Variants in TRAM2 observed in about 807,000 individuals in gnomAD.
The protein encoded by TRAM2 is translocating chain-associated membrane protein 2.
Under a neutral mutation model 51.0 loss-of-function variants are expected in TRAM2, and 12 were observed. The ratio of observed to expected loss-of-function variants is 0.24; its 90% CI spans 0.15 to 0.38. The LOEUF (loss-of-function observed/expected upper bound fraction) is 0.38. TRAM2 is among the 10% of genes least tolerant of loss of function. The pLI, the probability that TRAM2 is intolerant of heterozygous loss-of-function variation, is 1.00. For missense variants in TRAM2, 361 were observed against 462.0 expected (o/e 0.78, Z 2.00); for synonymous variants, 175 against 179.4 (o/e 0.98, Z 0.20).
Position 52,506,073 on chromosome 6 carries a change from C to T in TRAM2, c.690G>A (p.Thr230=), listed in dbSNP as rs779974855. 8.7e-6 allele frequency: 14 copies of T among 1,614,020 alleles called. No individual in the cohort carries two copies. Among genetic ancestry groups the T allele is most frequent in the Admixed American group, 5.0e-5 (3 of 60,004 alleles). ...CATCTGCAAAGTAGAAGAGTCTAGC[C>T]GTGTGGAAGAGGAACTCAGTTGAGT... is the stretch of plus-strand genomic sequence containing the variant. The part of the protein sequence containing the change: ...LQYSTEFLFH[T]ARLFYFADEN... Residue 230 remains threonine (T), a synonymous_variant, in exon 8 of 11, where the codon ACG becomes ACA. Coordinates refer to ENST00000182527, the MANE Select transcript of TRAM2 (RefSeq NM_012288.4).
intron 2 of TRAM2, among the ~76,000 whole-genome samples, chr6:52,519,091 C>T (rs1205397465): frequency 6.6e-6 from 1 of 152,212 alleles, no homozygotes; most frequent in Non-Finnish European, 1.5e-5. Context: ...ACTCGTGTTC[C>T]TCTGCTGTTG....
chr6:52,547,097 G>A (rs1358628146), intron 1 of TRAM2, among the ~76,000 whole-genome samples: 7 of 152,128 alleles, frequency 4.6e-5, no homozygotes, highest in Admixed American at 1.3e-4. Flanking sequence ...TGGACTGCTC[G>A]GTCTAGCAGC....
At position 52,500,557 on chromosome 6, in the gene TRAM2, A is replaced by G. The variant is rs1182681751; in HGVS notation, c.*2640T>C. On this transcript the variant is annotated 3_prime_UTR_variant, in exon 11 of 11. Transcript: ENST00000182527. ...TTTTTTTTTTTTTTACATAAAATAA[A>G]CCCTTAGCACACCCGTCCACTGGGA... 4 of 148,484 alleles carry G rather than the reference A, an allele frequency of 2.7e-5. No homozygotes were observed. Among genetic ancestry groups the G allele is most frequent in the African/African-American group, 5.0e-5 (2 of 40,124 alleles). 9.2% of individuals were successfully genotyped at this position (148,484 alleles called of 1,614,324 possible).
chr6:52,531,959 CTTGA>C (rs1180019724), intron 2 of TRAM2, among the ~76,000 whole-genome samples: 2 of 152,158 alleles, frequency 1.3e-5, no homozygotes, highest in Non-Finnish European at 2.9e-5. Context: ...ATTTGCCTAG[CTTGA>C]TTAATTAATT....
chr6:52,521,653 C>T (rs528277370), intron 2 of TRAM2, among the ~76,000 whole-genome samples: 18 of 151,398 alleles, frequency 1.2e-4, no homozygotes, highest in Admixed American at 5.3e-4. Flanking sequence ...GCCGAGATTG[C>T]GCCACTGCAC....
intron 1 of TRAM2, among the ~76,000 whole-genome samples, chr6:52,552,360 T>C (rs1389137053): frequency 1.3e-5 from 2 of 152,226 alleles, no homozygotes; most frequent in Non-Finnish European, 2.9e-5. Flanking sequence ...TGGCCACACC[T>C]GCTAGGAAGG....
In TRAM2 at chr6:52,502,811, G is replaced by C. The variant is rs1027904905; in HGVS notation, c.*386C>G. 2.0e-5 allele frequency: 4 copies of C among 196,646 alleles called. No individual in the cohort carries two copies. Among genetic ancestry groups the C allele is most frequent in the Non-Finnish European group, 4.1e-5 (4 of 96,388 alleles). The allele number at this position is 196,646 out of a possible 1,614,324, so 12.2% of individuals were successfully genotyped here. A position where few individuals can be genotyped will look rare whatever the true frequency, so the allele number is the denominator to read the frequency against. ...AGCTCCCCTCCCATTGTAAAAATCA[G>C]ACAGAAAAATTGCAAGATAAGGTGA... On this transcript the variant is annotated 3_prime_UTR_variant, in exon 11 of 11. Transcript: ENST00000182527.
chr6:52,570,673 G>A (rs927669420), intron 1 of TRAM2, among the ~76,000 whole-genome samples: 8 of 151,984 alleles, frequency 5.3e-5, no homozygotes, highest in African/African-American at 1.7e-4. Flanking sequence ...AGACAAATGA[G>A]GAAAGCCGTC....
intron 1 of TRAM2, among the ~76,000 whole-genome samples, chr6:52,554,134 C>T (rs1162709955): frequency 6.6e-6 from 1 of 152,138 alleles, no homozygotes; most frequent in African/African-American, 2.4e-5. Flanking sequence ...CTTCACAGAA[C>T]CCCTCAATGT....
At chr6:52,567,601 T>C (rs1249153942) in intron 1 of TRAM2, among the ~76,000 whole-genome samples, 1 of 152,258 alleles carries the variant, frequency 6.6e-6, no homozygotes, top group Non-Finnish European at 1.5e-5. Context: ...TTCAGCGCTA[T>C]AAAACTGTAG....
At chr6:52,564,979 A>G (rs1201293661) in intron 1 of TRAM2, among the ~76,000 whole-genome samples, 4 of 152,128 alleles carry the variant, frequency 2.6e-5, no homozygotes, top group African/African-American at 9.7e-5. Flanking sequence ...AAAGCAGAGA[A>G]GCATGAAGGA....
intron 8 of TRAM2, 36 bp downstream of exon 8, chr6:52,505,996 C>T (rs1013360308): frequency 6.2e-7 from 1 of 1,607,364 alleles, no homozygotes. Flanking sequence ...CCTGCCCAGG[C>T]CTCTAAGCGG....
At chr6:52,534,042 G>A (rs76439303) in intron 2 of TRAM2, among the ~76,000 whole-genome samples, 33,972 of 149,044 alleles carry the variant, frequency 0.23, 4,124 homozygotes, top group East Asian at 0.52. Flanking sequence ...CCAAGATCGC[G>A]CCATTGTACT....
At chr6:52,563,184 A>G (rs968997520) in intron 1 of TRAM2, among the ~76,000 whole-genome samples, 2 of 152,248 alleles carry the variant, frequency 1.3e-5, no homozygotes, top group African/African-American at 4.8e-5. Context: ...ACCCTGCACA[A>G]TGGAAGACTG....
intron 1 of TRAM2, among the ~76,000 whole-genome samples, chr6:52,545,396 G>C (rs572362504): frequency 6.6e-6 from 1 of 152,346 alleles, no homozygotes. Context: ...GACAGGAACT[G>C]CCTGGGACAC....
Position 52,503,154 on chromosome 6 carries a change from C to T in TRAM2, c.*43G>A. The T allele has an allele frequency of 6.4e-7, 1 of 1,567,050 alleles. No homozygotes were observed. Among genetic ancestry groups the T allele is most frequent in the Non-Finnish European group, 8.8e-7 (1 of 1,137,522 alleles). Reference sequence around the variant, plus strand: ...GGGGGCCTGGGCTCCTTGCCCCCTGCTCGGCCCCCACCAAGAGGATTCCTG... The same window carrying T: ...GGGGGCCTGGGCTCCTTGCCCCCTGTTCGGCCCCCACCAAGAGGATTCCTG... On this transcript the variant is annotated 3_prime_UTR_variant, in exon 11 of 11. Transcript: ENST00000182527.
At chr6:52,539,543 A>C (rs2268726) in intron 1 of TRAM2, among the ~76,000 whole-genome samples, 7,133 of 118,182 alleles carry the variant, frequency 0.06, 167 homozygotes, top group East Asian at 0.095. Context: ...TACACAACAA[A>C]AAAAAAAAAT....
intron 2 of TRAM2, among the ~76,000 whole-genome samples, chr6:52,534,639 A>G (rs1581882950): frequency 6.6e-6 from 1 of 152,226 alleles, no homozygotes; most frequent in East Asian, 1.9e-4. Flanking sequence ...TTTCTAAATT[A>G]GTTGGCAACA....
At chr6:52,576,619 C>A (rs1407681815) in intron 1 of TRAM2, among the ~76,000 whole-genome samples, 177 bp downstream of exon 1, 1 of 152,168 alleles carries the variant, frequency 6.6e-6, no homozygotes, top group Non-Finnish European at 1.5e-5. Flanking sequence ...GGGGTGCTGT[C>A]TGGGCTGGCC....
Sources: gnomAD v4.1 joint callset for allele counts (sites outside exome capture counted in the v4.1 genomes callset) on GRCh38, gnomAD v4.1.1 for gene constraint, MANE v1.5 for transcripts, NCBI Gene and HGNC (gene_info 2026-07-23, HGNC 2026-07-21) for gene names.